TCF4: variants seen among roughly 807,000 people sequenced by gnomAD.
The protein encoded by TCF4 is SL3-3 enhancer factor 2.
A neutral mutation model predicts 82.1 loss-of-function variants in TCF4; 3 were observed. That is an observed-to-expected ratio of 0.04 (90% CI 0.02 to 0.09). The LOEUF is 0.09. Among genes scored for constraint, TCF4 ranks in the 10% least tolerant of loss-of-function variants. The pLI is 1.00. For missense variants in TCF4, 518 were observed against 852.7 expected (o/e 0.61, Z 4.89); for synonymous variants, 276 against 309.6 (o/e 0.89, Z 1.14).
intron 3 of TCF4, chr18:55,479,122 T>C (rs1307879848): frequency 6.6e-6 from 1 of 152,248 alleles, no homozygotes; most frequent in African/African-American, 2.4e-5. Context: ...CATTTCTAGT[T>C]AACAAATCAG....
At chr18:55,404,044 C>A in intron 5 of TCF4, 1 of 1,143,818 alleles carries the variant, frequency 8.7e-7, no homozygotes, top group Non-Finnish European at 1.1e-6. Flanking sequence ...GAGTGAACCC[C>A]ATCATGATCA....
chr18:55,284,780 C>T (rs946366966), intron 8 of TCF4, among the ~76,000 whole-genome samples: 3 of 152,188 alleles, frequency 2.0e-5, no homozygotes, highest in Admixed American at 6.5e-5. Context: ...GAGCCACAGA[C>T]GCCCAAGTAC....
At chr18:55,391,633 C>CA (rs1279116297) in intron 6 of TCF4, among the ~76,000 whole-genome samples, 4 of 151,864 alleles carry the variant, frequency 2.6e-5, no homozygotes, top group Non-Finnish European at 5.9e-5. Flanking sequence ...ACATTCCTAT[C>CA]AAAAAAGAAG....
At chr18:55,428,062 AG>A (rs1456227528) in intron 5 of TCF4, among the ~76,000 whole-genome samples, 7 of 152,208 alleles carry the variant, frequency 4.6e-5, no homozygotes, top group African/African-American at 1.7e-4. Context: ...CTCAACTCTG[AG>A]GGATGGAAAG....
At chr18:55,322,521 C>T in intron 8 of TCF4, 1 of 977,788 alleles carries the variant, frequency 1.0e-6, no homozygotes, top group Non-Finnish European at 1.2e-6. Flanking sequence ...CAACAACCTA[C>T]AAAACGGGGT....
At chr18:55,508,249 T>C (rs971582515) in intron 3 of TCF4, among the ~76,000 whole-genome samples, 1 of 152,218 alleles carries the variant, frequency 6.6e-6, no homozygotes, top group Non-Finnish European at 1.5e-5. Context: ...TAGAAAACTT[T>C]GCTGCTTTAA....
chr18:55,322,436 A>C (rs2075831874), intron 8 of TCF4: 6 of 1,006,592 alleles, frequency 6.0e-6, no homozygotes, highest in Admixed American at 6.0e-5. Context: ...AAAAAAAAAA[A>C]AAAAAAAAAA....
chr18:55,551,401 ACT>A (rs1208657247), intron 3 of TCF4: 1 of 152,156 alleles, frequency 6.6e-6, no homozygotes, highest in Non-Finnish European at 1.5e-5. Flanking sequence ...TGAAGTGGAC[ACT>A]CTTGCCATTT....
At chr18:55,618,243 C>G (rs1659629847) in intron 2 of TCF4, among the ~76,000 whole-genome samples, 1 of 152,096 alleles carries the variant, frequency 6.6e-6, no homozygotes, top group Non-Finnish European at 1.5e-5. Context: ...ATTCATCATT[C>G]TTAGTGTGAT....
chr18:55,238,733 C>G (rs946381301), intron 15 of TCF4, among the ~76,000 whole-genome samples: 1 of 152,232 alleles, frequency 6.6e-6, no homozygotes, highest in Non-Finnish European at 1.5e-5. Flanking sequence ...TTCTCTCTGG[C>G]TTCTGCCCTC....
At chr18:55,549,206 G>A (rs2097236050) in intron 3 of TCF4, among the ~76,000 whole-genome samples, 1 of 152,038 alleles carries the variant, frequency 6.6e-6, no homozygotes, top group South Asian at 2.1e-4. Flanking sequence ...AAGGCTGAGG[G>A]AGGAAGATCA....
Position 55,238,235 on chromosome 18 carries a change from G to A in TCF4, c.1351-3552C>T, listed in dbSNP as rs200487681. ...AGATAACAATAGTCTAAAGTTAAAA[G>A]CCAGCTTATGAAAATTTTATTAATA... On this transcript the variant is annotated intron_variant, in intron 15 of 19. Transcript: ENST00000354452. 4.0e-4 allele frequency among the ~76,000 whole-genome samples: 61 copies of A among 152,310 alleles called. No individual in the cohort carries two copies. The East Asian group carries it at 0.011, about 28-fold the overall frequency.
At chr18:55,587,922 G>GGGCGCCGGGAGCCCGC in intron 1 of TCF4, 116 bp downstream of exon 1, 1 of 872,388 alleles carries the variant, frequency 1.1e-6, no homozygotes, top group Non-Finnish European at 1.4e-6. Context: ...TGGGAGCGCC[G>GGGCGCCGGGAGCCCGC]GGCGCCGGGA....
At chr18:55,249,860 TAGTC>T (rs556275646) in intron 15 of TCF4, among the ~76,000 whole-genome samples, 17 of 152,374 alleles carry the variant, frequency 1.1e-4, no homozygotes, top group East Asian at 9.6e-4. Context: ...GTTTTGTTCT[TAGTC>T]AGTTAAAAAA....
intron 3 of TCF4, among the ~76,000 whole-genome samples, chr18:55,515,613 C>T (rs938531941): frequency 7.9e-5 from 12 of 152,262 alleles, no homozygotes; most frequent in East Asian, 3.9e-4. Flanking sequence ...CAAAGTCCAA[C>T]GCTTCAAAGA....
intron 5 of TCF4, among the ~76,000 whole-genome samples, chr18:55,435,916 T>C (rs1359418725): frequency 1.3e-5 from 2 of 152,240 alleles, no homozygotes; most frequent in Admixed American, 1.3e-4. Context: ...ACTCCAAGTA[T>C]GTGGTGATAA....
intron 3 of TCF4, among the ~76,000 whole-genome samples, chr18:55,556,908 T>C (rs1434574373): frequency 6.6e-6 from 1 of 152,174 alleles, no homozygotes; most frequent in Non-Finnish European, 1.5e-5. Flanking sequence ...ACAAAGTACT[T>C]TAAGAGTAAT....
At chr18:55,513,369 C>CTTTT (rs71167299) in intron 3 of TCF4, among the ~76,000 whole-genome samples, 2 of 142,048 alleles carry the variant, frequency 1.4e-5, no homozygotes, top group Non-Finnish European at 3.1e-5. Context: ...TAGCCCTCAG[C>CTTTT]TTTTTTTTTT....
intron 3 of TCF4, among the ~76,000 whole-genome samples, chr18:55,579,161 A>G (rs1203156816): frequency 6.6e-6 from 1 of 151,356 alleles, no homozygotes. Flanking sequence ...TATTTCTCTT[A>G]TATCTCTCTC....
Sources: gnomAD v4.1 joint callset for allele counts (sites outside exome capture counted in the v4.1 genomes callset) on GRCh38, gnomAD v4.1.1 for gene constraint, MANE v1.5 for transcripts, NCBI Gene and HGNC (gene_info 2026-07-23, HGNC 2026-07-21) for gene names.